LRP2: variants seen among roughly 807,000 people sequenced by gnomAD.
LRP2 encodes LDL receptor related protein 2.
Under a neutral mutation model 531.0 loss-of-function variants are expected in LRP2, and 172 were observed. The observed-to-expected ratio is 0.32, with a 90% CI of 0.29 to 0.37. LRP2 has a LOEUF of 0.37. Ranked by LOEUF, LRP2 falls within the 10% of genes least tolerant of loss-of-function variation. LRP2 has a pLI of 1.00. For missense variants in LRP2, 5,167 were observed against 5,868.3 expected (o/e 0.88, Z 3.90); for synonymous variants, 1,992 against 2,027.6 (o/e 0.98, Z 0.47).
chr2:169,308,664 A>G (rs1684497754), intron 3 of LRP2, among the ~76,000 whole-genome samples: 1 of 152,168 alleles, frequency 6.6e-6, no homozygotes, highest in Non-Finnish European at 1.5e-5. Context: ...GCTATTGTGA[A>G]TAGTGCCACA....
chr2:169,315,772 G>C (rs1684741609), intron 3 of LRP2, among the ~76,000 whole-genome samples: 1 of 152,016 alleles, frequency 6.6e-6, no homozygotes, highest in Non-Finnish European at 1.5e-5. Context: ...GAGGCAGGGA[G>C]GCCAACCCAG....
chr2:169,342,759 A>G (rs1258218240), intron 1 of LRP2, among the ~76,000 whole-genome samples: 4 of 152,112 alleles, frequency 2.6e-5, no homozygotes, highest in East Asian at 1.9e-4. Context: ...TGTCTTATTC[A>G]TCTATGCATG....
chr2:169,234,263 C>T (rs879930073), intron 29 of LRP2, among the ~76,000 whole-genome samples: 3 of 152,138 alleles, frequency 2.0e-5, no homozygotes, highest in Non-Finnish European at 4.4e-5. Flanking sequence ...CCCTCACATG[C>T]ATTAGATATT....
chr2:169,166,807 C>A (rs1268773048), intron 61 of LRP2, among the ~76,000 whole-genome samples: 1 of 152,168 alleles, frequency 6.6e-6, no homozygotes, highest in East Asian at 1.9e-4. Flanking sequence ...GTTCACTATG[C>A]GTGTACCACA....
At chr2:169,215,851 C>A (rs1352715590) in intron 35 of LRP2, among the ~76,000 whole-genome samples, 2 of 149,328 alleles carry the variant, frequency 1.3e-5, no homozygotes, top group Non-Finnish European at 3.0e-5. Flanking sequence ...TATATATATT[C>A]TCTCCATATA....
At chr2:169,315,749 A>G (rs893363708) in intron 3 of LRP2, among the ~76,000 whole-genome samples, 1 of 152,142 alleles carries the variant, frequency 6.6e-6, no homozygotes, top group Admixed American at 6.6e-5. Context: ...GAATCTAAGG[A>G]TCCACAGAAC....
At chr2:169,291,054 G>A in intron 7 of LRP2, 57 bp from the exon 8 acceptor site, 2 of 1,519,786 alleles carry the variant, frequency 1.3e-6, no homozygotes. Context: ...CCAGCTCTTT[G>A]TTAATCAGTG....
At chr2:169,171,137 T>C (rs1686990229) in intron 58 of LRP2, among the ~76,000 whole-genome samples, 1 of 152,108 alleles carries the variant, frequency 6.6e-6, no homozygotes, top group Non-Finnish European at 1.5e-5. Flanking sequence ...CTTTTATTAA[T>C]AAAAGACAAA....
chr2:169,243,669 C>A, intron 22 of LRP2, 147 bp from the exon 23 acceptor site: 1 of 913,998 alleles, frequency 1.1e-6, no homozygotes, highest in Non-Finnish European at 1.8e-6. Context: ...CTATCAAAGT[C>A]AGCTAAGCAA....
At position 169,181,528 on chromosome 2, in the gene LRP2, C is replaced by G. The variant is rs956617757; in HGVS notation, c.10089G>C (p.Lys3363Asn). 1 of 1,614,174 alleles carries G rather than the reference C, an allele frequency of 6.2e-7. No individual in the cohort carries two copies. The highest frequency in any genetic ancestry group is 2.2e-5 in the East Asian group (1 of 44,882). Residue 3363 changes from lysine to asparagine, a missense_variant, in exon 52 of 79, where the codon AAG becomes AAC. By Grantham distance (94) the Lys-to-Asn change is moderately conservative. Coordinates refer to ENST00000649046, the MANE Select transcript of LRP2 (RefSeq NM_004525.3). ...GTNKSVIIST[K>N]LEWPNGITID... The stretch of plus-strand genomic sequence containing the variant: ...TGGTGATGCCATTAGGCCACTCTAA[C>G]TTGGTGGAGATTATCACAGACTTGT...
At chr2:169,296,144 G>C (rs1230333168) in intron 4 of LRP2, among the ~76,000 whole-genome samples, 1 of 152,034 alleles carries the variant, frequency 6.6e-6, no homozygotes, top group African/African-American at 2.4e-5. Flanking sequence ...ACTCTCCAAT[G>C]ATCTTTTTTT....
At chr2:169,312,788 T>C (rs1684650898) in intron 3 of LRP2, among the ~76,000 whole-genome samples, 1 of 152,262 alleles carries the variant, frequency 6.6e-6, no homozygotes, top group Non-Finnish European at 1.5e-5. Flanking sequence ...GATAATATCC[T>C]GCAGAGTGTT....
rs1238611293 is a variant in LRP2, at chr2:169,236,049, A to C, written c.4711T>G (p.Ser1571Ala). 19 of 1,613,792 alleles carry C rather than the reference A, an allele frequency of 1.2e-5. No homozygotes were observed. The highest frequency in any genetic ancestry group is 1.6e-5 in the Non-Finnish European group (19 of 1,179,882). The change falls in exon 29 of 79, where the codon TCT becomes GCT. Residue 1571 changes from serine (S) to alanine (A), a missense_variant. Ser to Ala is a moderately conservative substitution (Grantham distance 99). Transcript: ENST00000649046. ...ATGCGAGGGTGGTGGCCCCAGTCAG[A>C]CCAGAACAGTAGATGCTCACTGGGA... is the stretch of plus-strand genomic sequence containing the variant. ...PRMNEHLLFW[S>A]DWGHHPRIER...
intron 55 of LRP2, 36 bp from the exon 56 acceptor site, chr2:169,174,200 G>A (rs761953609): frequency 1.2e-6 from 2 of 1,613,682 alleles, no homozygotes; most frequent in African/African-American, 2.7e-5. Context: ...AGCTTGGAAG[G>A]CATCAAGAAT....
At chr2:169,131,294 G>A (rs914720117) in intron 77 of LRP2, among the ~76,000 whole-genome samples, 1 of 148,056 alleles carries the variant, frequency 6.8e-6, no homozygotes, top group Non-Finnish European at 1.5e-5. Flanking sequence ...TGTGTGACAT[G>A]AGAAGAAGAA....
Position 169,142,691 on chromosome 2 carries a change from G to A in LRP2, c.13091C>T (p.Thr4364Ile), listed in dbSNP as rs1223546389. Residue 4364 changes from threonine (T) to isoleucine (I), a missense_variant, in exon 71 of 79, where the codon ACC becomes ATC. Thr to Ile is a moderately conservative substitution (Grantham distance 89). Coordinates refer to ENST00000649046, the MANE Select transcript of LRP2 (RefSeq NM_004525.3). ...GCTCCTACCTGCATCACACTCAGTG[G>A]TGCTCCCCTCTATAAAGCTGGAGCC... ...PQGSSFIEGSTTECDAAIELP... is the reference protein window; with the variant it reads ...PQGSSFIEGSITECDAAIELP... 4 of 1,613,912 alleles carry A rather than the reference G, an allele frequency of 2.5e-6. No individual in the cohort carries two copies. Among genetic ancestry groups the A allele is most frequent in the African/African-American group, 2.7e-5 (2 of 74,902 alleles).
chr2:169,243,376 G>A (rs1358920328), intron 23 of LRP2, 27 bp downstream of exon 23: 3 of 1,612,864 alleles, frequency 1.9e-6, no homozygotes, highest in Non-Finnish European at 1.7e-6. Context: ...TAAACATTGT[G>A]AATAAAAAAG....
intron 6 of LRP2, among the ~76,000 whole-genome samples, 188 bp downstream of exon 6, chr2:169,293,960 C>A (rs536436938): frequency 6.6e-6 from 1 of 152,074 alleles, no homozygotes; most frequent in Non-Finnish European, 1.5e-5. Context: ...CCAGGTCGAG[C>A]AACACCACAA....
chr2:169,241,511 T>C (rs919161513), intron 24 of LRP2, 146 bp from the exon 25 acceptor site: 7 of 872,470 alleles, frequency 8.0e-6, no homozygotes, highest in South Asian at 5.8e-5. Context: ...CTAAATGATA[T>C]AGAGTCTTCT....
Sources: allele counts gnomAD v4.1 joint callset (sites outside exome capture counted in the v4.1 genomes callset), GRCh38; gene constraint gnomAD v4.1.1; transcripts MANE v1.5; gene names NCBI Gene and HGNC (gene_info 2026-07-23, HGNC 2026-07-21).